Variants in CLIP4 observed in about 807,000 individuals in gnomAD.
The protein encoded by CLIP4 is CAP-Gly domain-containing linker protein 4.
A neutral mutation model predicts 73.1 loss-of-function variants in CLIP4; 47 were observed. The observed-to-expected ratio is 0.64, with a 90% CI of 0.51 to 0.82. CLIP4 has a LOEUF of 0.82. CLIP4 is among the 40% of genes least tolerant of loss of function. The probability of loss-of-function intolerance (pLI) is 0.00; values close to 1 mark genes in which losing one functional copy is unlikely to be tolerated. For missense variants in CLIP4, 874 were observed against 852.9 expected (o/e 1.02, Z -0.31); for synonymous variants, 306 against 295.4 (o/e 1.04, Z -0.37).
At position 29,115,643 on chromosome 2, in the gene CLIP4, C is replaced by G. The variant is rs1047530124; in HGVS notation, c.-38C>G. ...GCCCCCGCGTCCCCAGCCGGCCGCT[C>G]CGAGAGGACCCGGAGGAGGCAGGTG... On this transcript the variant is annotated 5_prime_UTR_variant, in exon 1 of 16. Coordinates refer to ENST00000320081, the MANE Select transcript of CLIP4 (RefSeq NM_024692.6). The surrounding 1 kb of genome is among the most constrained non-coding windows in gnomAD (Gnocchi z 5.1). 6.8e-6 allele frequency: 1 copy of G among 147,468 alleles called. No individual in the cohort carries two copies. The highest frequency in any genetic ancestry group is 1.5e-5 in the Non-Finnish European group (1 of 66,120). The allele number at this position is 147,468 out of a possible 1,614,324, so 9.1% of individuals were successfully genotyped here.
intron 9 of CLIP4, among the ~76,000 whole-genome samples, 183 bp from the exon 10 acceptor site, chr2:29,156,171 G>A (rs772004481): frequency 6.6e-6 from 1 of 152,122 alleles, no homozygotes; most frequent in Non-Finnish European, 1.5e-5. Context: ...CACTGTTACT[G>A]TCTCCTTCTC....
intron 8 of CLIP4, among the ~76,000 whole-genome samples, chr2:29,150,975 G>T (rs1481634045): frequency 6.6e-6 from 1 of 152,046 alleles, no homozygotes; most frequent in Non-Finnish European, 1.5e-5. Flanking sequence ...GTCTTATAAT[G>T]TTATAATGAT....
At chr2:29,169,140 A>G (rs924421855) in intron 14 of CLIP4, among the ~76,000 whole-genome samples, 6 of 152,168 alleles carry the variant, frequency 3.9e-5, no homozygotes, top group Non-Finnish European at 7.4e-5. Flanking sequence ...ATGATGTATT[A>G]GTTGCTAGGG....
intron 1 of CLIP4, among the ~76,000 whole-genome samples, chr2:29,107,168 C>T (rs990485241): frequency 3.9e-5 from 6 of 152,030 alleles, no homozygotes; most frequent in Non-Finnish European, 1.5e-5. Flanking sequence ...AACCCCTAAT[C>T]AAGATGTTAT....
intron 2 of CLIP4, among the ~76,000 whole-genome samples, chr2:29,126,762 G>C (rs1664633365): frequency 6.6e-6 from 1 of 152,188 alleles, no homozygotes. Context: ...CAGGCACAAA[G>C]GTTCCTTACA....
At chr2:29,141,119 G>T (rs1665738621) in intron 6 of CLIP4, among the ~76,000 whole-genome samples, 1 of 151,934 alleles carries the variant, frequency 6.6e-6, no homozygotes, top group Admixed American at 6.6e-5. Flanking sequence ...TTTCTAGTTT[G>T]CATGTATTTG....
intron 8 of CLIP4, among the ~76,000 whole-genome samples, chr2:29,151,582 G>A (rs1666571626): frequency 6.6e-6 from 1 of 152,136 alleles, no homozygotes; most frequent in South Asian, 2.1e-4. Context: ...AGGTGGGAGA[G>A]AATTTTAAGA....
intron 2 of CLIP4, among the ~76,000 whole-genome samples, chr2:29,124,818 C>A (rs1031345952): frequency 6.6e-6 from 1 of 152,112 alleles, no homozygotes; most frequent in African/African-American, 2.4e-5. Flanking sequence ...CACCTTTGAA[C>A]ATTTGGAATA....
chr2:29,124,334 ATT>A (rs1390687436), intron 2 of CLIP4, among the ~76,000 whole-genome samples: 6 of 151,842 alleles, frequency 4.0e-5, no homozygotes, highest in Admixed American at 1.3e-4. Flanking sequence ...TCCCATTTGC[ATT>A]GTTTCTGCTG....
In CLIP4 at chr2:29,143,412, T is replaced by TTCC. The variant is rs58842734; in HGVS notation, c.649-297_649-296insTCC. Among the ~76,000 whole-genome samples, 1,236 of 145,678 alleles carry TTCC rather than the reference T, an allele frequency of 8.5e-3. 18 individuals are homozygous for TTCC. The highest frequency in any genetic ancestry group is 0.029 in the African/African-American group (1,145 of 39,996). On this transcript the variant is annotated intron_variant, in intron 6 of 15. Transcript: ENST00000320081. Reference sequence around the variant, plus strand: ...ATTCCCCTTCCCTGTTTTTTTTTTTTCCCTCCAGGCCACTTATGACTGTTT... The same window carrying TTCC: ...ATTCCCCTTCCCTGTTTTTTTTTTTTTCCCCCTCCAGGCCACTTATGACTGTTT...
intron 15 of CLIP4, 124 bp from the exon 16 acceptor site, chr2:29,181,448 T>TA (rs771230653): frequency 3.3e-4 from 263 of 791,984 alleles, no homozygotes; most frequent in Admixed American, 4.9e-4. Flanking sequence ...GTTGTGACCA[T>TA]AAAGTATTCT....
At chr2:29,111,935 C>T (rs553904310), upstream of CLIP4, among the ~76,000 whole-genome samples, 6 of 152,264 alleles carry the variant, frequency 3.9e-5, no homozygotes, top group Admixed American at 3.9e-4. Context: ...CTGGAGTTCA[C>T]CTTTGTATAT....
At chr2:29,171,779 A>C (rs2148094595) in intron 14 of CLIP4, among the ~76,000 whole-genome samples, 1 of 152,026 alleles carries the variant, frequency 6.6e-6, no homozygotes, top group East Asian at 1.9e-4. Context: ...CGGCCTCCCA[A>C]AGTGCTGGGA....
At chr2:29,138,924 A>G (rs1370247321) in intron 6 of CLIP4, among the ~76,000 whole-genome samples, 5 of 152,074 alleles carry the variant, frequency 3.3e-5, no homozygotes, top group Non-Finnish European at 7.4e-5. Context: ...AATTTTCTAC[A>G]TATCGAACCA....
chr2:29,152,710 A>T lies in CLIP4; in HGVS notation c.1047A>T (p.Ile349=). 6.2e-7 allele frequency: 1 copy of T among 1,613,632 alleles called. No homozygotes were observed. Among genetic ancestry groups the T allele is most frequent in the Non-Finnish European group, 8.5e-7 (1 of 1,179,760 alleles). The change falls in exon 9 of 16, where the codon ATA becomes ATT. Residue 349 remains isoleucine, a synonymous_variant. Transcript: ENST00000320081. ...GTATTTTTGCACCTCTTTCAAAGAT[A>T]AGTAAAGCAAAAGGTCGAAGGAAGA... ...KYGIFAPLSK[I]SKAKGRRKNI...
intron 1 of CLIP4, among the ~76,000 whole-genome samples, chr2:29,104,062 G>A (rs1398992641): frequency 6.6e-6 from 1 of 151,872 alleles, no homozygotes; most frequent in African/African-American, 2.4e-5. Flanking sequence ...CTCAGTCCTG[G>A]GCAAGCCCTA....
chr2:29,165,977 A>T (rs376876879), intron 13 of CLIP4, among the ~76,000 whole-genome samples: 31,285 of 115,238 alleles, frequency 0.27, 3,706 homozygotes, highest in Non-Finnish European at 0.31. Context: ...CTCTTCTTCA[A>T]AAAAAAAAAA....
At chr2:29,164,986 C>T (rs1177102259) in intron 13 of CLIP4, among the ~76,000 whole-genome samples, 1 of 152,310 alleles carries the variant, frequency 6.6e-6, no homozygotes, top group East Asian at 1.9e-4. Flanking sequence ...AGAATAATAA[C>T]TATTACAAAC....
intron 14 of CLIP4, among the ~76,000 whole-genome samples, chr2:29,172,221 T>C (rs1028468149): frequency 6.6e-6 from 1 of 152,290 alleles, no homozygotes; most frequent in African/African-American, 2.4e-5. Context: ...TTGATATTAT[T>C]GTAATAGTTT....
Sources: gnomAD v4.1 joint callset for allele counts (sites outside exome capture counted in the v4.1 genomes callset) on GRCh38, gnomAD v4.1.1 for gene constraint, Gnocchi (gnomAD v3.1) non-coding constraint, MANE v1.5 for transcripts, NCBI Gene and HGNC (gene_info 2026-07-23, HGNC 2026-07-21) for gene names.